Variants in SUSD4 observed in about 807,000 individuals in gnomAD.
The protein encoded by SUSD4 is sushi domain containing 4.
SUSD4 carries 41 observed loss-of-function variants against 50.5 expected under a neutral mutation model. That is an observed-to-expected ratio of 0.81 (90% CI 0.63 to 1.05). SUSD4 has a LOEUF of 1.05. SUSD4 is among the 50% of genes least tolerant of loss of function. SUSD4 has a pLI of 0.00. For missense variants in SUSD4, 580 were observed against 634.7 expected, an observed-to-expected ratio of 0.91 and a Z score of 0.93; for synonymous variants, 257 against 257.3, an observed-to-expected ratio of 1.00 and a Z score of 0.01.
Position 223,262,189 on chromosome 1 carries a change from C to T in SUSD4, c.724+2441G>A, listed in dbSNP as rs1329653081. Among the ~76,000 whole-genome samples the T allele has an allele frequency of 3.3e-5, 5 of 152,206 alleles. No individual in the cohort carries two copies. The East Asian group carries it at 9.7e-4, about 29-fold the overall frequency. ...GGCACACTGACAGCTGATGGATTGACAGTGAAAGAGGAACGGGAAAGGGAC... is the reference window on the plus strand; with the variant it reads ...GGCACACTGACAGCTGATGGATTGATAGTGAAAGAGGAACGGGAAAGGGAC... On this transcript the variant is annotated intron_variant, in intron 5 of 8. Transcript: ENST00000366878.
chr1:223,313,177 T>C (rs1665977994), intron 2 of SUSD4, among the ~76,000 whole-genome samples: 1 of 152,180 alleles, frequency 6.6e-6, no homozygotes, highest in South Asian at 2.1e-4. Flanking sequence ...GCCAGAAAGA[T>C]CAACCATGTG....
At chr1:223,354,110 G>T (rs1668524500) in intron 2 of SUSD4, among the ~76,000 whole-genome samples, 1 of 152,016 alleles carries the variant, frequency 6.6e-6, no homozygotes, top group Admixed American at 6.6e-5. Context: ...GCTCTATGTG[G>T]ATTCTCCACC....
At chr1:223,288,925 C>T (rs1433985851) in intron 3 of SUSD4, among the ~76,000 whole-genome samples, 3 of 152,146 alleles carry the variant, frequency 2.0e-5, no homozygotes, top group African/African-American at 7.2e-5. Context: ...GTCCTGAGGA[C>T]GTATGTGTTG....
At chr1:223,247,885 G>A (rs2103035542) in intron 5 of SUSD4, among the ~76,000 whole-genome samples, 1 of 152,314 alleles carries the variant, frequency 6.6e-6, no homozygotes, top group South Asian at 2.1e-4. Flanking sequence ...GCTAAGGATG[G>A]ATGGTTTACA....
chr1:223,282,273 C>T (rs1325135137), intron 3 of SUSD4, among the ~76,000 whole-genome samples: 6 of 152,122 alleles, frequency 3.9e-5, no homozygotes, highest in Non-Finnish European at 5.9e-5. Flanking sequence ...AAAGGGTATT[C>T]AATCAGGAAA....
chr1:223,326,831 A>G (rs1035907978), intron 2 of SUSD4, among the ~76,000 whole-genome samples: 2 of 152,242 alleles, frequency 1.3e-5, no homozygotes, highest in South Asian at 4.1e-4. Context: ...CCATTACTAA[A>G]AAGTCAAAAA....
chr1:223,347,421 C>T (rs1443002149), intron 2 of SUSD4, among the ~76,000 whole-genome samples: 1 of 152,104 alleles, frequency 6.6e-6, no homozygotes, highest in Admixed American at 6.5e-5. Flanking sequence ...TCATCTCTGT[C>T]ACAAATTCTC....
At chr1:223,285,366 G>T (rs1000848052) in intron 3 of SUSD4, among the ~76,000 whole-genome samples, 2 of 152,124 alleles carry the variant, frequency 1.3e-5, no homozygotes, top group Non-Finnish European at 2.9e-5. Context: ...TCCTTCAACT[G>T]CTGCCTCTCT....
chr1:223,264,607 T>A (rs1370564256), intron 5 of SUSD4, 23 bp downstream of exon 5: 1 of 1,611,368 alleles, frequency 6.2e-7, no homozygotes, highest in Non-Finnish European at 8.5e-7. Context: ...AAATACAACT[T>A]CCGAAAGAAT....
intron 2 of SUSD4, among the ~76,000 whole-genome samples, chr1:223,317,833 T>TC (rs1558244959): frequency 7.6e-6 from 1 of 132,048 alleles, no homozygotes; most frequent in Non-Finnish European, 1.6e-5. Flanking sequence ...TGCTTGCCCT[T>TC]CTTTTTTTTT....
At chr1:223,283,472 A>T (rs934746211) in intron 3 of SUSD4, among the ~76,000 whole-genome samples, 29 of 152,258 alleles carry the variant, frequency 1.9e-4, no homozygotes, top group African/African-American at 6.5e-4. Context: ...CAACAGACAT[A>T]TGAAAAAATG....
At chr1:223,358,849 GCA>G (rs1485068069) in intron 2 of SUSD4, 1 of 255,686 alleles carries the variant, frequency 3.9e-6, no homozygotes, top group Non-Finnish European at 8.1e-6. Flanking sequence ...CAGATTAAGC[GCA>G]GTTTGAAATT....
At chr1:223,272,918 T>C (rs1435714525) in intron 3 of SUSD4, among the ~76,000 whole-genome samples, 1 of 152,000 alleles carries the variant, frequency 6.6e-6, no homozygotes, top group Non-Finnish European at 1.5e-5. Flanking sequence ...AGACTGCAAA[T>C]GGGCAAATTA....
At chr1:223,224,397 C>G (rs1196639249) in intron 7 of SUSD4, among the ~76,000 whole-genome samples, 1 of 152,062 alleles carries the variant, frequency 6.6e-6, no homozygotes, top group Non-Finnish European at 1.5e-5. Flanking sequence ...CCCAGAGGGA[C>G]TAGCTGGCCC....
At chr1:223,336,875 C>T (rs1481157790) in intron 2 of SUSD4, among the ~76,000 whole-genome samples, 4 of 152,062 alleles carry the variant, frequency 2.6e-5, no homozygotes, top group African/African-American at 9.7e-5. Flanking sequence ...GATGATTATG[C>T]CATACTCATG....
intron 5 of SUSD4, among the ~76,000 whole-genome samples, chr1:223,240,608 A>G (rs1054438300): frequency 1.3e-5 from 2 of 152,048 alleles, no homozygotes; most frequent in Admixed American, 1.3e-4. Context: ...CTTTGTTTCC[A>G]TCACAGTGTT....
In SUSD4 at chr1:223,268,593, A is replaced by T; in HGVS notation, c.444T>A (p.His148Gln). The change falls in exon 4 of 9, where the codon CAT (histidine) becomes CAA (glutamine). Residue 148 changes from histidine to glutamine, a missense_variant. Transcript: ENST00000366878. ...RHGEKLIITC[H>Q]EGFKIRYPDL... ...CGGGGTACCGGATCTTGAATCCTTC[A>T]TGACAAGTGATGATTAGCTTCTCTC... 2.5e-6 allele frequency: 4 copies of T among 1,614,172 alleles called. No homozygotes were observed. Among genetic ancestry groups the T allele is most frequent in the Non-Finnish European group, 3.4e-6 (4 of 1,180,026 alleles).
chr1:223,315,980 G>C (rs1201877646), intron 2 of SUSD4, among the ~76,000 whole-genome samples: 2 of 152,150 alleles, frequency 1.3e-5, no homozygotes, highest in Non-Finnish European at 2.9e-5. Context: ...AAACAGGGCT[G>C]ATTCTATAGT....
chr1:223,304,308 C>T (rs1380096031), intron 2 of SUSD4, among the ~76,000 whole-genome samples: 1 of 152,160 alleles, frequency 6.6e-6, no homozygotes, highest in Non-Finnish European at 1.5e-5. Context: ...GGCAGTCCAA[C>T]CTGGCATTGT....
Sources: gnomAD v4.1 joint callset for allele counts (sites outside exome capture counted in the v4.1 genomes callset) on GRCh38, gnomAD v4.1.1 for gene constraint, MANE v1.5 for transcripts, NCBI Gene and HGNC (gene_info 2026-07-23, HGNC 2026-07-21) for gene names.